The following SLC7A2 variants were observed in gnomAD, a reference collection of about 807,000 sequenced individuals.
The protein encoded by SLC7A2 is cationic amino acid transporter 2.
In SLC7A2, 48 loss-of-function variants were observed where a neutral mutation model predicts 58.9. That is an observed-to-expected ratio of 0.82 (90% confidence interval 0.65 to 1.04). The LOEUF (loss-of-function observed/expected upper bound fraction) is 1.04. SLC7A2 is among the 50% of genes least tolerant of loss of function. The pLI is 0.00. For missense variants in SLC7A2, 1,029 were observed against 818.8 expected (o/e 1.26, Z -3.13); for synonymous variants, 363 against 314.5 (o/e 1.15, Z -1.63).
At chr8:17,495,111 A>G (rs925484715), upstream of SLC7A2, among the ~76,000 whole-genome samples, 1 of 152,248 alleles carries the variant, frequency 6.6e-6, no homozygotes, top group Non-Finnish European at 1.5e-5. Context: ...GCTTAAGTTT[A>G]AAAATAGGAA....
intron 2 of SLC7A2, among the ~76,000 whole-genome samples, chr8:17,526,954 G>C (rs539272964): frequency 6.6e-6 from 1 of 152,202 alleles, no homozygotes; most frequent in Non-Finnish European, 1.5e-5. Context: ...TTTCCAGTTG[G>C]TTGCATGATA....
intron 2 of SLC7A2, among the ~76,000 whole-genome samples, chr8:17,505,765 A>T (rs573625449): frequency 6.6e-6 from 1 of 152,304 alleles, no homozygotes; most frequent in Non-Finnish European, 1.5e-5. Context: ...TAATCTTGCC[A>T]GTTCAATGTC....
chr8:17,541,404 C>T (rs59077989), intron 2 of SLC7A2, among the ~76,000 whole-genome samples: 4,055 of 152,286 alleles, frequency 0.027, 185 homozygotes, highest in African/African-American at 0.093. Context: ...GAGATGTCAA[C>T]GTCTTTGCAG....
upstream of SLC7A2, among the ~76,000 whole-genome samples, chr8:17,494,445 G>A (rs1799912523): frequency 6.6e-6 from 1 of 152,176 alleles, no homozygotes; most frequent in Non-Finnish European, 1.5e-5. Flanking sequence ...GAGGAAACTT[G>A]ACGGCTGAAA....
intron 2 of SLC7A2, among the ~76,000 whole-genome samples, chr8:17,516,975 A>G (rs1800829350): frequency 6.6e-6 from 1 of 152,214 alleles, no homozygotes; most frequent in Admixed American, 6.5e-5. Flanking sequence ...CCCACAATCA[A>G]CACTGAAGAG....
upstream of SLC7A2, among the ~76,000 whole-genome samples, chr8:17,496,251 G>C (rs1416966477): frequency 6.6e-6 from 1 of 152,170 alleles, no homozygotes; most frequent in Non-Finnish European, 1.5e-5. Context: ...GAGCCCAGGA[G>C]GTCGAGGCTG....
chr8:17,560,922 C>G (rs1414530441), intron 10 of SLC7A2, among the ~76,000 whole-genome samples: 2 of 152,170 alleles, frequency 1.3e-5, no homozygotes, highest in Non-Finnish European at 2.9e-5. Context: ...GTTACGTAAT[C>G]ATTCATTCAT....
intron 8 of SLC7A2, among the ~76,000 whole-genome samples, chr8:17,558,054 C>A (rs1802791488): frequency 6.6e-6 from 1 of 152,058 alleles, no homozygotes; most frequent in African/African-American, 2.4e-5. Context: ...TTTATGTAAT[C>A]CAAGTAGAAT....
Position 17,522,414 on chromosome 8 carries a change from A to G in SLC7A2, c.-23+20112A>G, listed in dbSNP as rs547169411. On this transcript the variant is annotated intron_variant, in intron 2 of 12. Coordinates refer to ENST00000494857, the MANE Select transcript of SLC7A2 (RefSeq NM_001370338.1). ...GTGGGGACACAGCCAAATCATGTCA[A>G]CTTGGCCATGCTGACTACAAGAAGC... is the stretch of plus-strand genomic sequence containing the variant. Among the ~76,000 whole-genome samples the G allele has an allele frequency of 4.6e-5, 7 of 152,296 alleles. No homozygotes were observed. The East Asian group carries it at 9.7e-4, about 21-fold the overall frequency.
At chr8:17,497,048 C>T (rs1249138619), upstream of SLC7A2, 1 of 150,634 alleles carries the variant, frequency 6.6e-6, no homozygotes, top group African/African-American at 2.4e-5. Flanking sequence ...CCCGCCCCCG[C>T]CCCGGGTGGC....
chr8:17,547,785 A>AGT (rs35052068), intron 4 of SLC7A2, among the ~76,000 whole-genome samples: 52,655 of 144,522 alleles, frequency 0.36, 10,195 homozygotes, highest in Admixed American at 0.45. Flanking sequence ...GGCACAAAAG[A>AGT]GTGTGTGTGT....
chr8:17,494,121 C>G (rs1170548784), upstream of SLC7A2, among the ~76,000 whole-genome samples: 1 of 152,162 alleles, frequency 6.6e-6, no homozygotes, highest in African/African-American at 2.4e-5. Flanking sequence ...TTTAGCTTGT[C>G]TTCGCTAAAA....
rs56122987 is a variant in SLC7A2, at chr8:17,510,229, AAATAATAAT to A, written c.-23+7945_-23+7953del. Among the ~76,000 whole-genome samples, 47 of 149,360 alleles carry A rather than the reference AAATAATAAT, an allele frequency of 3.1e-4. 1 individual carries two copies. The highest frequency in any genetic ancestry group is 1.1e-3 in the African/African-American group (43 of 40,472). On this transcript the variant is annotated intron_variant, in intron 2 of 12. Coordinates refer to ENST00000494857, the MANE Select transcript of SLC7A2 (RefSeq NM_001370338.1). ...AGCAAGACTCTGTCTCAAAATAAAC[AAATAATAAT>A]AATAATAATAATAATAAAAGAGTGA...
chr8:17,545,529 CT>C (rs1222927367), intron 4 of SLC7A2, among the ~76,000 whole-genome samples: 1 of 149,048 alleles, frequency 6.7e-6, no homozygotes, highest in East Asian at 2.0e-4. Context: ...TCCTGAGTAG[CT>C]GGGACTACAG....
At chr8:17,522,561 A>G (rs1025315903) in intron 2 of SLC7A2, among the ~76,000 whole-genome samples, 1 of 152,066 alleles carries the variant, frequency 6.6e-6, no homozygotes, top group Admixed American at 6.5e-5. Flanking sequence ...TTCTCAGACA[A>G]TGTAACAGGG....
rs922194379 is a variant in SLC7A2, at chr8:17,569,705, A to T, written c.*4559A>T. The T allele has an allele frequency of 6.6e-6, 1 of 152,166 alleles. No homozygotes were observed. Among genetic ancestry groups the T allele is most frequent in the Non-Finnish European group, 1.5e-5 (1 of 68,038 alleles). 9.4% of individuals were successfully genotyped at this position (152,166 alleles called of 1,614,324 possible). ...TACACGGTTTAGTCTTACTGATTTC[A>T]AATGCATTTTGTTATTGCTCAACCC... On this transcript the variant is annotated 3_prime_UTR_variant, in exon 13 of 13. Coordinates refer to ENST00000494857, the MANE Select transcript of SLC7A2 (RefSeq NM_001370338.1).
chr8:17,526,797 C>T (rs1801238372), intron 2 of SLC7A2, among the ~76,000 whole-genome samples: 1 of 152,164 alleles, frequency 6.6e-6, no homozygotes, highest in South Asian at 2.1e-4. Flanking sequence ...TCACTAAGAA[C>T]ACGTTATGCC....
upstream of SLC7A2, among the ~76,000 whole-genome samples, chr8:17,496,371 T>C (rs1489221057): frequency 2.0e-5 from 3 of 152,168 alleles, no homozygotes; most frequent in African/African-American, 7.2e-5. Context: ...CACACACTTA[T>C]TGTTCAATTC....
chr8:17,506,414 G>A lies in SLC7A2; in HGVS notation c.-23+4112G>A, dbSNP rs1585181206. Among the ~76,000 whole-genome samples, 8 of 152,254 alleles carry A rather than the reference G, an allele frequency of 5.3e-5. No homozygotes were observed. In the South Asian group the frequency reaches 1.7e-3, roughly 32 times the overall value. ...ATGGTGAGACACTGTTGTGGTAGTTGGTTTTGTATTTTAAAGCGTAAACTT... is the reference window on the plus strand; with the variant it reads ...ATGGTGAGACACTGTTGTGGTAGTTAGTTTTGTATTTTAAAGCGTAAACTT... On this transcript the variant is annotated intron_variant, in intron 2 of 12. Coordinates refer to ENST00000494857, the MANE Select transcript of SLC7A2 (RefSeq NM_001370338.1).
Sources: allele counts gnomAD v4.1 joint callset (sites outside exome capture counted in the v4.1 genomes callset), GRCh38; gene constraint gnomAD v4.1.1; transcripts MANE v1.5; gene names NCBI Gene and HGNC (gene_info 2026-07-23, HGNC 2026-07-21).